BMPR1B: variants seen among roughly 807,000 people sequenced by gnomAD.
BMPR1B encodes bone morphogenetic protein receptor type-1B.
In BMPR1B, 12 loss-of-function variants were observed where a neutral mutation model predicts 59.1. The ratio of observed to expected loss-of-function variants is 0.20; its 90% CI spans 0.13 to 0.33. The LOEUF is 0.33. Ranked by LOEUF, BMPR1B falls within the 10% of genes least tolerant of loss-of-function variation. The probability of loss-of-function intolerance (pLI) is 1.00; values close to 1 mark genes in which losing one functional copy is unlikely to be tolerated. For synonymous variants in BMPR1B, 237 were observed against 207.3 expected (o/e 1.14, Z -1.23); for missense variants, 550 against 610.9 (o/e 0.90, Z 1.05).
intron 1 of BMPR1B, among the ~76,000 whole-genome samples, chr4:94,834,694 G>T (rs1724731993): frequency 6.6e-6 from 1 of 152,110 alleles, no homozygotes; most frequent in South Asian, 2.1e-4. Flanking sequence ...GGTTCACCAG[G>T]ATGGGAGTGT....
At chr4:94,997,667 G>A (rs1246463834) in intron 3 of BMPR1B, among the ~76,000 whole-genome samples, 1 of 151,798 alleles carries the variant, frequency 6.6e-6, no homozygotes, top group African/African-American at 2.4e-5. Flanking sequence ...TTATTAGTGG[G>A]TTTGATTTAG....
chr4:94,934,471 T>TTTTTTC lies in BMPR1B; in HGVS notation c.-113+58571_-113+58572insTTTTTC, dbSNP rs1553919637. ...AGCTATGGTTTTTTTTTTTTTTTTT[T>TTTTTTC]CTCCTCCTTCATTCCTAATTTCTCT... On this transcript the variant is annotated intron_variant, in intron 2 of 12. Coordinates refer to ENST00000515059, the MANE Select transcript of BMPR1B (RefSeq NM_001203.3). Among the ~76,000 whole-genome samples, 33 of 150,402 alleles carry TTTTTTC rather than the reference T, an allele frequency of 2.2e-4. No individual in the cohort carries two copies. In the East Asian group the frequency reaches 5.5e-3, roughly 25 times the overall value.
At chr4:94,858,601 GGAAA>G (rs955948277) in intron 1 of BMPR1B, among the ~76,000 whole-genome samples, 2 of 152,020 alleles carry the variant, frequency 1.3e-5, no homozygotes, top group Non-Finnish European at 2.9e-5. Context: ...ACCAAAAAAT[GGAAA>G]GAGTTATCTT....
intron 2 of BMPR1B, among the ~76,000 whole-genome samples, chr4:94,991,818 T>A (rs994439305): frequency 6.6e-6 from 1 of 152,092 alleles, no homozygotes; most frequent in Non-Finnish European, 1.5e-5. Flanking sequence ...GTAATCTGAG[T>A]GAGGTTTTTA....
intron 1 of BMPR1B, among the ~76,000 whole-genome samples, chr4:94,813,589 C>T (rs1723901848): frequency 1.3e-5 from 2 of 152,136 alleles, no homozygotes; most frequent in South Asian, 4.1e-4. Flanking sequence ...TCGATCTTGG[C>T]ATTTTCTCTG....
intron 1 of BMPR1B, among the ~76,000 whole-genome samples, chr4:94,773,555 T>A (rs1043219837): frequency 1.3e-5 from 2 of 152,110 alleles, no homozygotes; most frequent in Non-Finnish European, 2.9e-5. Context: ...CAATAAATAC[T>A]GTATTCTTTT....
intron 2 of BMPR1B, among the ~76,000 whole-genome samples, chr4:94,978,570 TA>T (rs1223058155): frequency 6.6e-6 from 1 of 152,206 alleles, no homozygotes. Flanking sequence ...AATGAAATTT[TA>T]TGACCTGCCT....
intron 3 of BMPR1B, among the ~76,000 whole-genome samples, chr4:95,042,871 T>A (rs1725754535): frequency 6.6e-6 from 1 of 152,144 alleles, no homozygotes; most frequent in African/African-American, 2.4e-5. Context: ...TACTCTGTAA[T>A]GATTAACATA....
intron 1 of BMPR1B, among the ~76,000 whole-genome samples, chr4:94,764,723 T>G (rs1398775653): frequency 1.3e-5 from 2 of 152,174 alleles, no homozygotes; most frequent in African/African-American, 4.8e-5. Flanking sequence ...ATACTGTCAA[T>G]CAGTTTATTG....
chr4:95,138,657 T>G (rs1216712523), intron 10 of BMPR1B, among the ~76,000 whole-genome samples: 1 of 152,224 alleles, frequency 6.6e-6, no homozygotes, highest in Non-Finnish European at 1.5e-5. Flanking sequence ...TTCATTCATT[T>G]GATCTTCCAT....
chr4:94,967,538 A>G (rs1000147405), intron 2 of BMPR1B, among the ~76,000 whole-genome samples: 4 of 151,354 alleles, frequency 2.6e-5, no homozygotes, highest in African/African-American at 4.9e-5. Flanking sequence ...GCTGGAGTAC[A>G]GTGGCATGAT....
At chr4:95,142,395 C>T (rs1430772777) in intron 10 of BMPR1B, among the ~76,000 whole-genome samples, 1 of 152,158 alleles carries the variant, frequency 6.6e-6, no homozygotes, top group Non-Finnish European at 1.5e-5. Flanking sequence ...TCAGACATCA[C>T]TTACAAGCCA....
intron 2 of BMPR1B, among the ~76,000 whole-genome samples, chr4:94,894,827 GT>G (rs987543398): frequency 6.1e-5 from 9 of 146,824 alleles, no homozygotes; most frequent in Admixed American, 2.0e-4. Flanking sequence ...ATGCTAGTTT[GT>G]TTTTTTTTTC....
chr4:95,131,172 C>G, intron 9 of BMPR1B, 43 bp from the exon 10 acceptor site: 1 of 1,556,534 alleles, frequency 6.4e-7, no homozygotes, highest in Non-Finnish European at 8.8e-7. Flanking sequence ...ATTCCTGATA[C>G]TATTTGGAAA....
At chr4:95,130,500 G>C (rs1309852994) in intron 9 of BMPR1B, among the ~76,000 whole-genome samples, 1 of 152,092 alleles carries the variant, frequency 6.6e-6, no homozygotes, top group Non-Finnish European at 1.5e-5. Context: ...AGGAGAGTAA[G>C]CTAATCAGTG....
intron 3 of BMPR1B, among the ~76,000 whole-genome samples, chr4:95,057,510 G>A (rs1221512182): frequency 6.6e-6 from 1 of 152,050 alleles, no homozygotes; most frequent in Non-Finnish European, 1.5e-5. Context: ...CTCCCAAAGT[G>A]CTGCACTTTT....
intron 10 of BMPR1B, among the ~76,000 whole-genome samples, chr4:95,142,588 C>T (rs930241777): frequency 6.6e-6 from 1 of 151,852 alleles, no homozygotes; most frequent in African/African-American, 2.4e-5. Flanking sequence ...CTCTCTTTCC[C>T]TTTCCTCTCT....
intron 3 of BMPR1B, among the ~76,000 whole-genome samples, chr4:95,010,991 T>C (rs549142637): frequency 3.9e-5 from 6 of 152,340 alleles, no homozygotes; most frequent in African/African-American, 1.4e-4. Flanking sequence ...AACTAAAAGT[T>C]ATTTCTCTCT....
At chr4:95,075,729 T>G (rs1728655689) in intron 3 of BMPR1B, among the ~76,000 whole-genome samples, 1 of 151,806 alleles carries the variant, frequency 6.6e-6, no homozygotes, top group Admixed American at 6.6e-5. Flanking sequence ...TTTCATATTC[T>G]GTCTCTCATA....
Sources: gnomAD v4.1 joint callset for allele counts (sites outside exome capture counted in the v4.1 genomes callset) on GRCh38, gnomAD v4.1.1 for gene constraint, MANE v1.5 for transcripts, NCBI Gene and HGNC (gene_info 2026-07-23, HGNC 2026-07-21) for gene names.